LDLRAD4: variants seen among roughly 807,000 people sequenced by gnomAD.
LDLRAD4 encodes low-density lipoprotein receptor class A domain-containing protein 4.
Under a neutral mutation model 17.0 loss-of-function variants are expected in LDLRAD4, and 5 were observed. The ratio of observed to expected loss-of-function variants is 0.29; its 90% CI spans 0.15 to 0.62. The LOEUF (loss-of-function observed/expected upper bound fraction) is 0.62. Among genes scored for constraint, LDLRAD4 ranks in the 20% least tolerant of loss-of-function variants. The pLI is 0.84. For synonymous variants in LDLRAD4, 168 were observed against 171.8 expected, an observed-to-expected ratio of 0.98 and a Z score of 0.17; for missense variants, 340 against 424.7, an observed-to-expected ratio of 0.80 and a Z score of 1.75.
At chr18:13,428,250 T>A (rs1026047726) in intron 2 of LDLRAD4, among the ~76,000 whole-genome samples, 2 of 148,922 alleles carry the variant, frequency 1.3e-5, no homozygotes, top group African/African-American at 5.0e-5. Context: ...GGGAGTGGAG[T>A]GAGGGAGGCC....
intron 1 of LDLRAD4, among the ~76,000 whole-genome samples, chr18:13,374,939 G>A (rs1488740023): frequency 2.6e-5 from 4 of 152,192 alleles, no homozygotes; most frequent in Non-Finnish European, 5.9e-5. Flanking sequence ...CGGGGATGGA[G>A]ATTTGCAGGC....
chr18:13,264,201 G>C (rs1042242762), intron 1 of LDLRAD4, among the ~76,000 whole-genome samples: 1 of 152,212 alleles, frequency 6.6e-6, no homozygotes, highest in Admixed American at 6.5e-5. Context: ...GGCTGGTTGC[G>C]GGATGGACCT....
At chr18:13,459,570 A>G (rs1400498517) in intron 3 of LDLRAD4, among the ~76,000 whole-genome samples, 1 of 151,808 alleles carries the variant, frequency 6.6e-6, no homozygotes, top group Non-Finnish European at 1.5e-5. Flanking sequence ...TTTTGTAGAG[A>G]TGGGGTTTCA....
intron 2 of LDLRAD4, among the ~76,000 whole-genome samples, chr18:13,408,024 G>A (rs8085734): frequency 0.085 from 12,928 of 152,030 alleles, 1,388 homozygotes; most frequent in African/African-American, 0.25. Flanking sequence ...TTTCTTTCTT[G>A]TTGGCACACA....
intron 1 of LDLRAD4, among the ~76,000 whole-genome samples, chr18:13,301,532 C>T (rs1438630159): frequency 2.6e-5 from 4 of 152,134 alleles, no homozygotes; most frequent in East Asian, 3.9e-4. Flanking sequence ...CAGCAGGAAC[C>T]GTAGGGGTGG....
At chr18:13,473,402 G>T (rs918061276) in intron 3 of LDLRAD4, among the ~76,000 whole-genome samples, 1 of 152,052 alleles carries the variant, frequency 6.6e-6, no homozygotes, top group Admixed American at 6.5e-5. Flanking sequence ...GGGCACTGTG[G>T]CTCATGCCTG....
At chr18:13,610,540 G>A (rs1259919161) in intron 3 of LDLRAD4, among the ~76,000 whole-genome samples, 4 of 151,916 alleles carry the variant, frequency 2.6e-5, no homozygotes, top group African/African-American at 9.7e-5. Context: ...GCCCACCTCG[G>A]CCTCCGAAAG....
chr18:13,600,592 T>C (rs1453247141), intron 3 of LDLRAD4, among the ~76,000 whole-genome samples: 2 of 152,228 alleles, frequency 1.3e-5, no homozygotes, highest in East Asian at 3.8e-4. Flanking sequence ...CGCCATTTGC[T>C]GTTTTGTCTG....
At chr18:13,231,002 G>A (rs1357588396) in intron 1 of LDLRAD4, among the ~76,000 whole-genome samples, 2 of 152,132 alleles carry the variant, frequency 1.3e-5, no homozygotes, top group African/African-American at 4.8e-5. Flanking sequence ...CGGCGCAGGG[G>A]GACCCTTTTA....
intron 3 of LDLRAD4, among the ~76,000 whole-genome samples, chr18:13,609,905 C>T (rs985018400): frequency 1.4e-4 from 21 of 152,152 alleles, no homozygotes; most frequent in African/African-American, 4.6e-4. Context: ...TCACTTGAAC[C>T]GGGGAGACAG....
At position 13,317,430 on chromosome 18, in the gene LDLRAD4, A is replaced by G. The variant is rs560895930; in HGVS notation, c.-383+39242A>G. Reference sequence around the variant, plus strand: ...TGAAAGAGTATTTCATTTTTGTCTCAATTCATTTTGATGGACTTACAGATA... The same window carrying G: ...TGAAAGAGTATTTCATTTTTGTCTCGATTCATTTTGATGGACTTACAGATA... On this transcript the variant is annotated intron_variant, in intron 1 of 5. Coordinates refer to ENST00000359446, the Ensembl canonical transcript of LDLRAD4. Among the ~76,000 whole-genome samples the G allele has an allele frequency of 7.9e-5, 12 of 152,306 alleles. No homozygotes were observed. The South Asian group carries it at 2.5e-3, about 32-fold the overall frequency.
At chr18:13,302,188 G>T (rs1480576693) in intron 1 of LDLRAD4, among the ~76,000 whole-genome samples, 5 of 152,182 alleles carry the variant, frequency 3.3e-5, no homozygotes, top group Non-Finnish European at 2.9e-5. Flanking sequence ...CACTGCTGTC[G>T]CCGGCTGTTT....
intron 3 of LDLRAD4, among the ~76,000 whole-genome samples, chr18:13,496,386 A>G (rs2147186302): frequency 6.6e-6 from 1 of 152,294 alleles, no homozygotes; most frequent in Admixed American, 6.5e-5. Context: ...TTCTATTAAA[A>G]GATTTTCAGG....
chr18:13,552,028 G>A (rs1244012731), intron 3 of LDLRAD4, among the ~76,000 whole-genome samples: 1 of 152,098 alleles, frequency 6.6e-6, no homozygotes, highest in Non-Finnish European at 1.5e-5. Flanking sequence ...GCTCATTACT[G>A]CAGGGAGGGC....
intron 1 of LDLRAD4, among the ~76,000 whole-genome samples, chr18:13,271,589 T>A (rs1400626750): frequency 6.6e-6 from 1 of 152,222 alleles, no homozygotes; most frequent in East Asian, 1.9e-4. Context: ...GCCTGGCATG[T>A]TCACTATCTG....
intron 1 of LDLRAD4, among the ~76,000 whole-genome samples, chr18:13,291,673 A>C (rs2045971356): frequency 6.6e-6 from 1 of 152,146 alleles, no homozygotes; most frequent in Non-Finnish European, 1.5e-5. Context: ...AGGAACAATG[A>C]GGGTCTCATC....
At chr18:13,612,555 C>CA in intron 3 of LDLRAD4, 1 of 1,447,944 alleles carries the variant, frequency 6.9e-7, no homozygotes, top group Non-Finnish European at 9.1e-7. Context: ...ACCCCCCCCC[C>CA]CTCCACGCTC....
rs563157985 is a variant in LDLRAD4, at chr18:13,531,845, C to T, written c.182-89272C>T. Among the ~76,000 whole-genome samples, 15 of 152,162 alleles carry T rather than the reference C, an allele frequency of 9.9e-5. No homozygotes were observed. The South Asian group carries it at 2.1e-3, about 21-fold the overall frequency. On this transcript the variant is annotated intron_variant, in intron 3 of 5. Coordinates refer to ENST00000359446, the Ensembl canonical transcript of LDLRAD4. ...GGAGGGGGTGAGGGTCCTCTGAGGG[C>T]GGGAGCGGCCATATGCAGGAGGCTG...
chr18:13,497,522 C>T (rs1485675495), intron 3 of LDLRAD4, among the ~76,000 whole-genome samples: 3 of 150,188 alleles, frequency 2.0e-5, no homozygotes, highest in Non-Finnish European at 3.0e-5. Context: ...CTTCTTTTTT[C>T]ACATGCCTGC....
Sources: allele counts gnomAD v4.1 joint callset (sites outside exome capture counted in the v4.1 genomes callset), GRCh38; gene constraint gnomAD v4.1.1; transcripts MANE v1.5; gene names NCBI Gene and HGNC (gene_info 2026-07-23, HGNC 2026-07-21).